The following SYNDIG1 variants were observed in gnomAD, a reference collection of about 807,000 sequenced individuals.
SYNDIG1 encodes synapse differentiation inducing 1, also known as synapse differentiation-inducing gene protein 1.
In SYNDIG1, 9 loss-of-function variants were observed where a neutral mutation model predicts 19.4. The ratio of observed to expected loss-of-function variants is 0.46; its 90% CI spans 0.28 to 0.81. The LOEUF (loss-of-function observed/expected upper bound fraction) is 0.81, where lower values mean the gene tolerates loss of function less well. SYNDIG1 is among the 30% of genes least tolerant of loss of function. The pLI is 0.12. For missense variants in SYNDIG1, 311 were observed against 343.3 expected, an observed-to-expected ratio of 0.91 and a Z score of 0.74; for synonymous variants, 141 against 145.9, an observed-to-expected ratio of 0.97 and a Z score of 0.24.
At chr20:24,575,404 A>C (rs1279172498) in intron 2 of SYNDIG1, among the ~76,000 whole-genome samples, 1 of 152,228 alleles carries the variant, frequency 6.6e-6, no homozygotes, top group African/African-American at 2.4e-5. Context: ...GTCTGTTTGC[A>C]AATAATCTTC....
chr20:24,475,827 A>G (rs574766944), intron 1 of SYNDIG1, among the ~76,000 whole-genome samples: 1 of 151,938 alleles, frequency 6.6e-6, no homozygotes, highest in East Asian at 1.9e-4. Context: ...GTGGCTCCAC[A>G]ACAGAGAACT....
intron 2 of SYNDIG1, among the ~76,000 whole-genome samples, chr20:24,577,182 G>A (rs912518171): frequency 6.6e-6 from 1 of 152,214 alleles, no homozygotes; most frequent in Non-Finnish European, 1.5e-5. Context: ...CTGTGTATGT[G>A]TGAGCCCTGT....
At chr20:24,614,170 A>G (rs2058892357) in intron 3 of SYNDIG1, among the ~76,000 whole-genome samples, 1 of 152,098 alleles carries the variant, frequency 6.6e-6, no homozygotes, top group Non-Finnish European at 1.5e-5. Flanking sequence ...CACCTGGCTA[A>G]TTTTTAAATT....
At chr20:24,606,863 G>A in intron 3 of SYNDIG1, among the ~76,000 whole-genome samples, 1 of 152,236 alleles carries the variant, frequency 6.6e-6, no homozygotes, top group Non-Finnish European at 1.5e-5. Flanking sequence ...GAAAGTGGAT[G>A]CTGACGAGCA....
intron 3 of SYNDIG1, among the ~76,000 whole-genome samples, chr20:24,593,218 C>G (rs2147083598): frequency 6.6e-6 from 1 of 152,312 alleles, no homozygotes; most frequent in African/African-American, 2.4e-5. Flanking sequence ...CAAGTCGGCC[C>G]CATTGTCTGT....
intron 3 of SYNDIG1, among the ~76,000 whole-genome samples, chr20:24,585,221 G>A (rs2058397378): frequency 6.6e-6 from 1 of 152,218 alleles, no homozygotes; most frequent in Non-Finnish European, 1.5e-5. Context: ...TCCTCGCAGA[G>A]GTGGGACTGC....
At chr20:24,479,550 A>G (rs1011518655) in intron 1 of SYNDIG1, among the ~76,000 whole-genome samples, 2 of 151,932 alleles carry the variant, frequency 1.3e-5, no homozygotes, top group Non-Finnish European at 2.9e-5. Context: ...AATGATACTC[A>G]GTAACCCAGG....
chr20:24,479,673 A>C (rs1157025314), intron 1 of SYNDIG1, among the ~76,000 whole-genome samples: 1 of 151,934 alleles, frequency 6.6e-6, no homozygotes, highest in East Asian at 1.9e-4. Context: ...CCATATGCAC[A>C]CTCATCTCTT....
At chr20:24,503,890 T>G (rs2056519241) in intron 1 of SYNDIG1, among the ~76,000 whole-genome samples, 2 of 151,834 alleles carry the variant, frequency 1.3e-5, no homozygotes, top group Admixed American at 1.3e-4. Flanking sequence ...GTTGAATGAC[T>G]GGATTGAAGA....
At chr20:24,634,817 C>G (rs2059299043) in intron 3 of SYNDIG1, among the ~76,000 whole-genome samples, 1 of 152,214 alleles carries the variant, frequency 6.6e-6, no homozygotes, top group Non-Finnish European at 1.5e-5. Context: ...AGTGGTGCCT[C>G]TTGCTGTAGA....
chr20:24,504,149 A>G (rs2056527839), intron 1 of SYNDIG1, among the ~76,000 whole-genome samples: 2 of 152,064 alleles, frequency 1.3e-5, no homozygotes, highest in South Asian at 2.1e-4. Context: ...TAGTAGAGAC[A>G]GGGCTTCACC....
At chr20:24,657,903 A>G (rs1411925634) in intron 3 of SYNDIG1, among the ~76,000 whole-genome samples, 1 of 152,220 alleles carries the variant, frequency 6.6e-6, no homozygotes, top group East Asian at 1.9e-4. Flanking sequence ...AATGAACCAT[A>G]AAACACCCAT....
intron 1 of SYNDIG1, among the ~76,000 whole-genome samples, chr20:24,525,355 G>A (rs1454126107): frequency 7.1e-6 from 1 of 140,488 alleles, no homozygotes; most frequent in East Asian, 2.1e-4. Flanking sequence ...ACAGTGGCAC[G>A]ATCTTGGCTC....
At chr20:24,586,837 G>A (rs2092590189) in intron 3 of SYNDIG1, among the ~76,000 whole-genome samples, 1 of 152,188 alleles carries the variant, frequency 6.6e-6, no homozygotes, top group African/African-American at 2.4e-5. Flanking sequence ...AGTCCTTTGT[G>A]GTGTCCGTGG....
chr20:24,560,495 T>C (rs1222546494), intron 2 of SYNDIG1, among the ~76,000 whole-genome samples: 1 of 152,150 alleles, frequency 6.6e-6, no homozygotes, highest in Non-Finnish European at 1.5e-5. Flanking sequence ...ATATTGTATG[T>C]TCATTTCCAT....
At chr20:24,659,039 T>G (rs2059558399) in intron 3 of SYNDIG1, among the ~76,000 whole-genome samples, 1 of 151,758 alleles carries the variant, frequency 6.6e-6, no homozygotes, top group Non-Finnish European at 1.5e-5. Flanking sequence ...CTCACCCCCC[T>G]CCTTTCCTGG....
chr20:24,635,504 CCCAGCGGACA>C (rs1207695366), intron 3 of SYNDIG1, among the ~76,000 whole-genome samples: 2 of 152,192 alleles, frequency 1.3e-5, no homozygotes, highest in African/African-American at 4.8e-5. Context: ...TGCACCTTAT[CCCAGCGGACA>C]CCAAGGGTCT....
At chr20:24,591,981 T>C (rs2058518408) in intron 3 of SYNDIG1, among the ~76,000 whole-genome samples, 2 of 152,248 alleles carry the variant, frequency 1.3e-5, no homozygotes, top group Non-Finnish European at 2.9e-5. Flanking sequence ...TTCAGTTAAA[T>C]AGCAGCCCTG....
chr20:24,559,306 G>C (rs1249076261), intron 2 of SYNDIG1, among the ~76,000 whole-genome samples: 1 of 152,152 alleles, frequency 6.6e-6, no homozygotes, highest in Non-Finnish European at 1.5e-5. Flanking sequence ...GAGAGAGTGG[G>C]AGCAGGGAGG....
Sources: allele counts gnomAD v4.1 joint callset (sites outside exome capture counted in the v4.1 genomes callset), GRCh38; gene constraint gnomAD v4.1.1; transcripts MANE v1.5; gene names NCBI Gene and HGNC (gene_info 2026-07-23, HGNC 2026-07-21).